Variants in PIF1 observed in about 807,000 individuals in gnomAD.
PIF1 encodes PIF1 5'-to-3' DNA helicase, also known as ATP-dependent DNA helicase PIF1.
In PIF1, 67 loss-of-function variants were observed where a neutral mutation model predicts 62.3. The observed-to-expected ratio is 1.08, with a 90% confidence interval of 0.88 to 1.32. The LOEUF (loss-of-function observed/expected upper bound fraction) is 1.32, where lower values mean the gene tolerates loss of function less well. Among genes scored for constraint, PIF1 ranks in the 40% most tolerant of loss-of-function variants. PIF1 has a pLI of 0.00. For synonymous variants in PIF1, 364 were observed against 379.5 expected (o/e 0.96, Z 0.47); for missense variants, 886 against 866.1 (o/e 1.02, Z -0.29).
At chr15:64,816,797 C>A in intron 11 of PIF1, 32 bp from the exon 12 acceptor site, 1 of 1,550,554 alleles carries the variant, frequency 6.4e-7, no homozygotes, top group South Asian at 1.2e-5. Context: ...ATGGAGTCAG[C>A]TCAGCCTTAA....
chr15:64,824,512 G>A (rs74366688), intron 1 of PIF1, among the ~76,000 whole-genome samples, 158 bp from the exon 2 acceptor site: 1,934 of 152,266 alleles, frequency 0.013, 45 homozygotes, highest in African/African-American at 0.045. Flanking sequence ...AGGTCACAAA[G>A]ACGGAGAAAG....
In PIF1 at chr15:64,816,151, C is replaced by T; in HGVS notation, c.*147G>A. ...TGGGTTTAAAGTACTCTCCCTTTAACCCTGCCAGGAGGCTGAGAGTCCCTA... is the reference window on the plus strand; with the variant it reads ...TGGGTTTAAAGTACTCTCCCTTTAATCCTGCCAGGAGGCTGAGAGTCCCTA... On this transcript the variant is annotated 3_prime_UTR_variant, in exon 13 of 13. Coordinates refer to ENST00000559239, the MANE Select transcript of PIF1 (RefSeq NM_001286496.2). 1.3e-6 allele frequency: 2 copies of T among 1,493,674 alleles called. No homozygotes were observed. The highest frequency in any genetic ancestry group is 1.8e-6 in the Non-Finnish European group (2 of 1,126,630). The allele number at this position is 1,493,674 out of a possible 1,614,324, so 92.5% of individuals were successfully genotyped here.
At position 64,816,048 on chromosome 15, in the gene PIF1, G is replaced by T; in HGVS notation, c.*250C>A. 6.8e-7 allele frequency: 1 copy of T among 1,461,976 alleles called. No homozygotes were observed. The highest frequency in any genetic ancestry group is 9.0e-7 in the Non-Finnish European group (1 of 1,111,078). The allele number at this position is 1,461,976 out of a possible 1,614,324, so 90.6% of individuals were successfully genotyped here. A position where few individuals can be genotyped will look rare whatever the true frequency, so the allele number is the denominator to read the frequency against. ...CTACCACACAGGCTCATTCTCAACT[G>T]GCACAGAAAGGGTTACTTCTGACCC... On this transcript the variant is annotated 3_prime_UTR_variant, in exon 13 of 13. Transcript: ENST00000559239.
At position 64,816,108 on chromosome 15, in the gene PIF1, T is replaced by G; in HGVS notation, c.*190A>C. 6.9e-7 allele frequency: 1 copy of G among 1,453,328 alleles called. No individual in the cohort carries two copies. 90.0% of individuals were successfully genotyped at this position (1,453,328 alleles called of 1,614,324 possible). ...TTACCCAGGGCAAAGTGAGAGAAAC[T>G]GAAGCACAGCTGGTATATGGGTTTA... On this transcript the variant is annotated 3_prime_UTR_variant, in exon 13 of 13. Transcript: ENST00000559239.
At chr15:64,827,044 G>A (rs916430570), upstream of PIF1, among the ~76,000 whole-genome samples, 1 of 152,070 alleles carries the variant, frequency 6.6e-6, no homozygotes, top group African/African-American at 2.4e-5. Flanking sequence ...GTCTGTTAGC[G>A]GTAGAGGGTG....
Position 64,819,861 on chromosome 15 carries a change from A to G in PIF1, c.1319T>C (p.Leu440Pro), listed in dbSNP as rs1340834705. ...TCCCTGCTCACCTGGCAGCTCCTGA[A>G]GCCGCCTCTCGTTGGTGAGGGCCAC... ...DDVALTNERR[L>P]QELPGKVHRF... is the part of the protein sequence containing the mutation. Residue 440 changes from leucine to proline, a missense_variant, in exon 8 of 13, where the codon CTT (leucine) becomes CCT (proline). Transcript: ENST00000559239. 2 of 1,613,424 alleles carry G rather than the reference A, an allele frequency of 1.2e-6. No homozygotes were observed. The highest frequency in any genetic ancestry group is 2.2e-5 in the East Asian group (1 of 44,890).
At chr15:64,822,694 G>T in intron 2 of PIF1, 84 bp from the exon 3 acceptor site, 1 of 1,575,292 alleles carries the variant, frequency 6.3e-7, no homozygotes, top group Non-Finnish European at 8.6e-7. Flanking sequence ...GCAATGCTGG[G>T]CCTGGTAACC....
At chr15:64,820,134 G>T in intron 7 of PIF1, 148 bp from the exon 8 acceptor site, 1 of 971,080 alleles carries the variant, frequency 1.0e-6, no homozygotes, top group Non-Finnish European at 1.5e-6. Flanking sequence ...CCTCAAGCTG[G>T]CCAACCTGTC....
At chr15:64,820,029 A>G in intron 7 of PIF1, 43 bp from the exon 8 acceptor site, 1 of 1,594,126 alleles carries the variant, frequency 6.3e-7, no homozygotes, top group Non-Finnish European at 8.6e-7. Context: ...CCTGTGCAGC[A>G]GGGGAGGTGG....
rs189019690 is a variant in PIF1, at chr15:64,819,521, C to T, written c.1334-298G>A. Among the ~76,000 whole-genome samples the T allele has an allele frequency of 3.5e-3, 535 of 152,130 alleles. 5 individuals are homozygous for T. Among genetic ancestry groups the T allele is most frequent in the African/African-American group, 0.012 (506 of 41,486 alleles). On this transcript the variant is annotated intron_variant, in intron 8 of 12. Transcript: ENST00000559239. ...ATGGGGTTTTGCCATGTTGGGCAGGCTGGTCTCGAACTGCTGGCTTCAGGT... is the reference window on the plus strand; with the variant it reads ...ATGGGGTTTTGCCATGTTGGGCAGGTTGGTCTCGAACTGCTGGCTTCAGGT...
In PIF1 at chr15:64,821,001, G is replaced by T; in HGVS notation, c.1174C>A (p.Gln392Lys). 1 of 1,614,086 alleles carries T rather than the reference G, an allele frequency of 6.2e-7. No individual in the cohort carries two copies. The change falls in exon 7 of 13, where the codon CAG (glutamine) becomes AAG (lysine). Residue 392 changes from glutamine (Q) to lysine (K), a missense_variant. Gln to Lys is a moderately conservative substitution (Grantham distance 53). Transcript: ENST00000559239. The stretch of plus-strand genomic sequence containing the variant: ...GCTCACCTGCCTAGCCTCACGGCCT[G>T]CAGTAGAGAGATGAAGGTCTGGTCT... ...QADQTFISLLQAVRLGRCSDE... is the reference protein window; with the variant it reads ...QADQTFISLLKAVRLGRCSDE...
intron 10 of PIF1, 58 bp from the exon 11 acceptor site, chr15:64,818,149 AGCAGGG>A (rs2084221924): frequency 6.2e-7 from 1 of 1,611,536 alleles, no homozygotes; most frequent in Admixed American, 1.7e-5. Context: ...TGAGGTGAGG[AGCAGGG>A]GCCTTTGGAG....
chr15:64,825,061 G>C (rs914659294), intron 1 of PIF1, among the ~76,000 whole-genome samples: 10 of 151,184 alleles, frequency 6.6e-5, no homozygotes, highest in Admixed American at 2.6e-4. Context: ...CCAGAGCGGC[G>C]GATGGGCACC....
chr15:64,821,329 G>T (rs1389490877), intron 5 of PIF1, 38 bp downstream of exon 5: 2 of 1,613,894 alleles, frequency 1.2e-6, no homozygotes, highest in South Asian at 2.2e-5. Flanking sequence ...AGACCACCAG[G>T]TCCCAGTTCT....
rs1443023655 is a variant in PIF1 at position 64,819,889 on chromosome 15, C to T, written c.1291G>A (p.Asp431Asn). 1 of 1,614,000 alleles carries T rather than the reference C, an allele frequency of 6.2e-7. No homozygotes were observed. The highest frequency in any genetic ancestry group is 8.5e-7 in the Non-Finnish European group (1 of 1,180,062). ...VATRLCTHQD[D>N]VALTNERRLQ... ...CGCCTCTCGTTGGTGAGGGCCACAT[C>T]ATCCTGGTGGGTGCAGAGCCTCGTG... is the stretch of plus-strand genomic sequence containing the variant. Residue 431 changes from aspartate to asparagine, a missense_variant, in exon 8 of 13, where the codon GAT becomes AAT. Asp to Asn is a conservative substitution (Grantham distance 23, BLOSUM62 1). Transcript: ENST00000559239.
chr15:64,821,809 G>A lies in PIF1; in HGVS notation c.818-289C>T, dbSNP rs7170070. On this transcript the variant is annotated intron_variant, in intron 4 of 12. Transcript: ENST00000559239. ...GGCTCAAGTGCAGTGGCGTGATCTC[G>A]GCTCACTGCAAGCTCTGCCTCCTGG... The A allele has an allele frequency of 1.3e-3, 468 of 347,602 alleles. 4 individuals carry two copies. The East Asian group carries it at 0.021, about 16-fold the overall frequency. 21.5% of individuals were successfully genotyped at this position (347,602 alleles called of 1,614,324 possible). A position where few individuals can be genotyped will look rare whatever the true frequency, so the allele number is the denominator to read the frequency against.
intron 1 of PIF1, among the ~76,000 whole-genome samples, chr15:64,825,162 C>T (rs79687240): frequency 0.016 from 2,397 of 151,956 alleles, 59 homozygotes; most frequent in African/African-American, 0.054. Flanking sequence ...AGACCCAGGG[C>T]GAGCACATGA....
chr15:64,823,868 C>T lies in PIF1; in HGVS notation c.468G>A (p.Glu156=). The stretch of plus-strand genomic sequence containing the variant: ...GGGTGGCCGCCCTGAGCCGCCGCTC[C>T]TCGGGCTGCACAGGGCTGATGGTGA... The part of the protein sequence containing the change: ...DFVTISPVQP[E]ERRLRAATRV... The change falls in exon 2 of 13, where the codon GAG becomes GAA. Residue 156 remains glutamate, a synonymous_variant. Coordinates refer to ENST00000559239, the MANE Select transcript of PIF1 (RefSeq NM_001286496.2). 2 of 1,392,318 alleles carry T rather than the reference C, an allele frequency of 1.4e-6. No individual in the cohort carries two copies. Among genetic ancestry groups the T allele is most frequent in the Non-Finnish European group, 1.9e-6 (2 of 1,062,290 alleles). 86.2% of individuals were successfully genotyped at this position (1,392,318 alleles called of 1,614,324 possible).
chr15:64,826,786 T>C (rs1247353387), upstream of PIF1, among the ~76,000 whole-genome samples: 1 of 149,064 alleles, frequency 6.7e-6, no homozygotes, highest in Non-Finnish European at 1.5e-5. Flanking sequence ...AGACGGGATG[T>C]CACCATGTTT....
Sources: gnomAD v4.1 joint callset for allele counts (sites outside exome capture counted in the v4.1 genomes callset) on GRCh38, gnomAD v4.1.1 for gene constraint, MANE v1.5 for transcripts, NCBI Gene and HGNC (gene_info 2026-07-23, HGNC 2026-07-21) for gene names.